The following BCAS3 variants were observed in gnomAD, a reference collection of about 807,000 sequenced individuals.
BCAS3 encodes BCAS4/BCAS3 fusion.
In BCAS3, 53 loss-of-function variants were observed where a neutral mutation model predicts 116.1. That is an observed-to-expected ratio of 0.46 (90% confidence interval 0.37 to 0.57). The LOEUF is 0.57. Among genes scored for constraint, BCAS3 ranks in the 20% least tolerant of loss-of-function variants. The probability of loss-of-function intolerance (pLI) is 0.00; values close to 1 mark genes in which losing one functional copy is unlikely to be tolerated. For missense variants in BCAS3, 917 were observed against 1,165.4 expected, an observed-to-expected ratio of 0.79 and a Z score of 3.10; for synonymous variants, 391 against 408.2, an observed-to-expected ratio of 0.96 and a Z score of 0.51.
At position 61,034,696 on chromosome 17, in the gene BCAS3, C is replaced by T; in HGVS notation, c.1668C>T (p.Pro556=). 1.2e-6 allele frequency: 2 copies of T among 1,610,734 alleles called. No homozygotes were observed. The highest frequency in any genetic ancestry group is 1.7e-4 in the Middle Eastern group (1 of 6,050). The change falls in exon 17 of 24, where the codon CCC becomes CCT. Residue 556 remains proline, a synonymous_variant. Coordinates refer to ENST00000407086, the MANE Select transcript of BCAS3 (RefSeq NM_017679.5). The surrounding 1 kb of genome is among the most constrained non-coding windows in gnomAD (Gnocchi z 5.0). The stretch of plus-strand genomic sequence containing the variant: ...TTAAACCTCCTCCACAAATTTCACC[C>T]AGCAAATCGATGGGCGGAGAATTTT... The part of the protein sequence containing the change: ...GKVKPPPQIS[P]SKSMGGEFCV...
At chr17:61,255,503 C>T (rs893417188) in intron 22 of BCAS3, among the ~76,000 whole-genome samples, 9 of 152,186 alleles carry the variant, frequency 5.9e-5, no homozygotes, top group African/African-American at 1.9e-4. Flanking sequence ...GCTTTTGTAG[C>T]GCATCAATAC....
In BCAS3 at chr17:61,028,423, A is replaced by T. The variant is rs1350434347; in HGVS notation, c.1638-6243A>T. ...CAAATAAGATACACAGATCTTACTTATGAGCCTTCCAGTGATCAGTGAATT... is the reference window on the plus strand; with the variant it reads ...CAAATAAGATACACAGATCTTACTTTTGAGCCTTCCAGTGATCAGTGAATT... On this transcript the variant is annotated intron_variant, in intron 16 of 23. Transcript: ENST00000407086. The surrounding 1 kb of genome is among the most constrained non-coding windows in gnomAD (Gnocchi z 4.3). Among the ~76,000 whole-genome samples the T allele has an allele frequency of 6.6e-6, 1 of 151,908 alleles. No homozygotes were observed. The highest frequency in any genetic ancestry group is 1.5e-5 in the Non-Finnish European group (1 of 67,800).
Position 61,368,209 on chromosome 17 carries a change from T to A in BCAS3, c.2426-118T>A. The A allele has an allele frequency of 8.8e-7, 1 of 1,135,852 alleles. No individual in the cohort carries two copies. Among genetic ancestry groups the A allele is most frequent in the Non-Finnish European group, 1.2e-6 (1 of 808,824 alleles). 70.4% of individuals were successfully genotyped at this position (1,135,852 alleles called of 1,614,324 possible). A position where few individuals can be genotyped will look rare whatever the true frequency, so the allele number is the denominator to read the frequency against. On this transcript the variant is annotated intron_variant, in intron 22 of 23. Coordinates refer to ENST00000407086, the MANE Select transcript of BCAS3 (RefSeq NM_017679.5). This position sits in a 1 kb window ranked among gnomAD's most constrained non-coding sequence, Gnocchi z 6.0. ...CCAGTCTGTTGGCGGCGTGCTTCCA[T>A]CCTACAGGAAGGCTACAATGGACCC...
In BCAS3 at chr17:61,156,045, A is replaced by C. The variant is rs2077815016; in HGVS notation, c.2425+71481A>C. The stretch of plus-strand genomic sequence containing the variant: ...AAAGTGACTTAAATGACTTTTCCCA[A>C]CAAGCTCACCAGGCATTCAAAGGAA... On this transcript the variant is annotated intron_variant, in intron 22 of 23. Transcript: ENST00000407086. This position sits in a 1 kb window ranked among gnomAD's most constrained non-coding sequence, Gnocchi z 4.7. Among the ~76,000 whole-genome samples the C allele has an allele frequency of 6.6e-6, 1 of 152,056 alleles. No individual in the cohort carries two copies. Among genetic ancestry groups the C allele is most frequent in the African/African-American group, 2.4e-5 (1 of 41,390 alleles).
At chr17:60,765,490 C>G (rs933323074) in intron 6 of BCAS3, among the ~76,000 whole-genome samples, 1 of 152,142 alleles carries the variant, frequency 6.6e-6, no homozygotes, top group African/African-American at 2.4e-5. Flanking sequence ...GTTGAAAATT[C>G]TTTTCTTTAA....
chr17:61,003,930 A>G (rs1044282838), intron 15 of BCAS3: 1 of 152,148 alleles, frequency 6.6e-6, no homozygotes, highest in Non-Finnish European at 1.5e-5. Flanking sequence ...AATAGTCACT[A>G]TCCGTAGGTC....
chr17:61,090,903 C>T (rs1344723267), intron 22 of BCAS3, among the ~76,000 whole-genome samples: 1 of 152,184 alleles, frequency 6.6e-6, no homozygotes, highest in Admixed American at 6.5e-5. Flanking sequence ...GATCCACATG[C>T]CTCGGCCTCC....
chr17:60,924,356 G>C, intron 12 of BCAS3, 51 bp from the exon 13 acceptor site: 1 of 1,526,914 alleles, frequency 6.5e-7, no homozygotes, highest in Non-Finnish European at 9.1e-7. Flanking sequence ...TTCAAGCTCG[G>C]TTATCAGTGA....
rs1467199112 is a variant in BCAS3 at position 60,961,923 on chromosome 17, G to A, written c.1221+14571G>A. ...GATCCACTTTTGTAGTTCCCACCTA[G>A]GAGTGAGATCATGCAACATTTCACT... On this transcript the variant is annotated intron_variant, in intron 14 of 23. Transcript: ENST00000407086. The surrounding 1 kb of genome is among the most constrained non-coding windows in gnomAD (Gnocchi z 4.8). Among the ~76,000 whole-genome samples, 2 of 152,054 alleles carry A rather than the reference G, an allele frequency of 1.3e-5. No individual in the cohort carries two copies. Among genetic ancestry groups the A allele is most frequent in the Non-Finnish European group, 2.9e-5 (2 of 68,022 alleles).
intron 22 of BCAS3, among the ~76,000 whole-genome samples, chr17:61,267,160 C>T (rs1466099222): frequency 6.6e-6 from 1 of 151,996 alleles, no homozygotes; most frequent in Non-Finnish European, 1.5e-5. Context: ...CGGGTTCACG[C>T]CATTCTCCTG....
chr17:60,928,890 T>G (rs2059496096), intron 13 of BCAS3, among the ~76,000 whole-genome samples: 1 of 152,216 alleles, frequency 6.6e-6, no homozygotes, highest in Admixed American at 6.5e-5. Context: ...CCCTTCTGAT[T>G]GGTGTACATA....
chr17:61,021,873 A>G lies in BCAS3; in HGVS notation c.1637+5972A>G, dbSNP rs16944741. Reference sequence around the variant, plus strand: ...AATTCAATTAGGTACACCTTGGCTCAGTTACACAGTTTGGCCTGAGCCTTA... The same window carrying G: ...AATTCAATTAGGTACACCTTGGCTCGGTTACACAGTTTGGCCTGAGCCTTA... On this transcript the variant is annotated intron_variant, in intron 16 of 23. Coordinates refer to ENST00000407086, the MANE Select transcript of BCAS3 (RefSeq NM_017679.5). The surrounding 1 kb of genome is among the most constrained non-coding windows in gnomAD (Gnocchi z 4.6). Among the ~76,000 whole-genome samples, 6,233 of 152,268 alleles carry G rather than the reference A, an allele frequency of 0.041. 462 individuals carry two copies. The highest frequency in any genetic ancestry group is 0.14 in the African/African-American group (5,857 of 41,518).
chr17:60,835,314 A>G (rs1430810690), intron 7 of BCAS3, among the ~76,000 whole-genome samples: 1 of 152,004 alleles, frequency 6.6e-6, no homozygotes, highest in Non-Finnish European at 1.5e-5. Flanking sequence ...TGCTATTATT[A>G]TGGCTGATTA....
intron 6 of BCAS3, among the ~76,000 whole-genome samples, chr17:60,766,906 G>A (rs1426541708): frequency 2.0e-5 from 3 of 152,170 alleles, no homozygotes; most frequent in Non-Finnish European, 4.4e-5. Context: ...CAGCAATGGC[G>A]GATGCCCCTC....
chr17:60,983,899 A>C (rs1370302070), intron 14 of BCAS3, among the ~76,000 whole-genome samples: 1 of 152,088 alleles, frequency 6.6e-6, no homozygotes. Context: ...TTCTGTTTAC[A>C]CCTTTGTTCG....
intron 6 of BCAS3, among the ~76,000 whole-genome samples, chr17:60,776,676 A>G (rs1195367625): frequency 2.1e-5 from 3 of 146,340 alleles, no homozygotes; most frequent in Non-Finnish European, 4.5e-5. Flanking sequence ...CCGAGATCGC[A>G]CCACTGTACT....
intron 12 of BCAS3, among the ~76,000 whole-genome samples, chr17:60,913,580 G>A (rs2058629640): frequency 6.6e-6 from 1 of 152,052 alleles, no homozygotes; most frequent in South Asian, 2.1e-4. Context: ...TAATGTCTTA[G>A]ATTTATCGCT....
chr17:61,075,155 A>G, intron 20 of BCAS3, 135 bp downstream of exon 20: 1 of 647,180 alleles, frequency 1.5e-6, no homozygotes, highest in South Asian at 2.1e-5. Flanking sequence ...GTCTTTCCAT[A>G]TTACAAATTA....
chr17:60,680,394 C>T (rs1355121780), intron 2 of BCAS3, among the ~76,000 whole-genome samples: 1 of 151,818 alleles, frequency 6.6e-6, no homozygotes, highest in African/African-American at 2.4e-5. Flanking sequence ...AAGCATAGTC[C>T]CCATTAGTTA....
Sources: gnomAD v4.1 joint callset for allele counts (sites outside exome capture counted in the v4.1 genomes callset) on GRCh38, gnomAD v4.1.1 for gene constraint, Gnocchi (gnomAD v3.1) non-coding constraint, MANE v1.5 for transcripts, NCBI Gene and HGNC (gene_info 2026-07-23, HGNC 2026-07-21) for gene names.